C4orf54: variants seen among roughly 807,000 people sequenced by gnomAD.
The protein encoded by C4orf54 is chromosome 4 open reading frame 54.
C4orf54 carries 67 observed loss-of-function variants against 80.1 expected under a neutral mutation model. That is an observed-to-expected ratio of 0.84 (90% CI 0.69 to 1.03). C4orf54 has a LOEUF of 1.03. C4orf54 is among the 50% of genes least tolerant of loss of function. C4orf54 has a pLI of 0.00. For synonymous variants in C4orf54, 1,000 were observed against 917.0 expected (o/e 1.09, Z -1.64); for missense variants, 2,434 against 2,253.5 (o/e 1.08, Z -1.62).
At chr4:99,656,791 A>G (rs1024659996) in intron 1 of C4orf54, among the ~76,000 whole-genome samples, 3 of 152,208 alleles carry the variant, frequency 2.0e-5, no homozygotes, top group Non-Finnish European at 4.4e-5. Flanking sequence ...TATGTGACAG[A>G]CTTCAAACCC....
rs1381746738 is a variant in C4orf54 at position 99,650,232 on chromosome 4, T to C, written c.4417A>G (p.Ile1473Val). Residue 1473 changes from isoleucine to valine, a missense_variant, in exon 2 of 3, where the codon ATC (isoleucine) becomes GTC (valine). Coordinates refer to ENST00000511828, the MANE Select transcript of C4orf54 (RefSeq NM_001354435.2). ...SNSDCENYLT[I>V]PLKGSSAAGE... ...GCAGCAGAGCTTCCTTTAAGAGGGA[T>C]GGTCAGGTAATTCTCACAGTCACTG... 3 of 1,535,914 alleles carry C rather than the reference T, an allele frequency of 2.0e-6. No homozygotes were observed. The highest frequency in any genetic ancestry group is 2.0e-5 in the Admixed American group (1 of 50,982).
In C4orf54 at chr4:99,652,241, G is replaced by A. The variant is rs1560639829; in HGVS notation, c.2408C>T (p.Pro803Leu). 2 of 1,535,858 alleles carry A rather than the reference G, an allele frequency of 1.3e-6. No homozygotes were observed. Among genetic ancestry groups the A allele is most frequent in the African/African-American group, 1.4e-5 (1 of 73,114 alleles). Residue 803 changes from proline to leucine, a missense_variant, in exon 2 of 3, where the codon CCC (proline) becomes CTC (leucine). By Grantham distance (98) the Pro-to-Leu change is moderately conservative. Transcript: ENST00000511828. ...GSKPTSRADG[P>L]QKSKFASSLL... ...ACTGGAGGCGAACTTGGACTTCTGG[G>A]GGCCATCGGCGCGGGAGGTGGGCTT...
chr4:99,647,254 C>T (rs930986655), intron 2 of C4orf54, among the ~76,000 whole-genome samples: 2 of 152,108 alleles, frequency 1.3e-5, no homozygotes, highest in African/African-American at 2.4e-5. Flanking sequence ...AGTGTGTGCC[C>T]GATCCTCCCT....
In C4orf54 at chr4:99,652,081, C is replaced by T. The variant is rs746758588; in HGVS notation, c.2568G>A (p.Arg856=). 2.6e-6 allele frequency: 4 copies of T among 1,536,114 alleles called. No individual in the cohort carries two copies. The highest frequency in any genetic ancestry group is 2.6e-6 in the Non-Finnish European group (3 of 1,146,884). The change falls in exon 2 of 3, where the codon AGG becomes AGA. Residue 856 remains arginine, a synonymous_variant. Transcript: ENST00000511828. Reference sequence around the variant, plus strand: ...GCCTCTGCAGGCCCCTCTCTCGCTGCCTCTCGCTCCCGCGGGCGCCCTCCG... The same window carrying T: ...GCCTCTGCAGGCCCCTCTCTCGCTGTCTCTCGCTCCCGCGGGCGCCCTCCG... ...KETEGARGSE[R]QRERGLQRQS...
Position 99,650,294 on chromosome 4 carries a change from G to A in C4orf54, c.4355C>T (p.Thr1452Ile). Residue 1452 changes from threonine to isoleucine, a missense_variant, in exon 2 of 3, where the codon ACC (threonine) becomes ATC (isoleucine). By Grantham distance (89) the Thr-to-Ile change is moderately conservative (BLOSUM62 -1). Coordinates refer to ENST00000511828, the MANE Select transcript of C4orf54 (RefSeq NM_001354435.2). ...PATRAPPDEVTNRKSGSNLEK... is the reference protein window; with the variant it reads ...PATRAPPDEVINRKSGSNLEK... ...CAAATTGCTGCCACTTTTCCTGTTG[G>A]TCACCTCATCAGGAGGTGCCCGGGT... 2 of 1,536,014 alleles carry A rather than the reference G, an allele frequency of 1.3e-6. No homozygotes were observed. Among genetic ancestry groups the A allele is most frequent in the Non-Finnish European group, 1.7e-6 (2 of 1,146,882 alleles).
chr4:99,653,397 C>A lies in C4orf54; in HGVS notation c.1252G>T (p.Asp418Tyr), dbSNP rs889637144. 31 of 1,536,132 alleles carry A rather than the reference C, an allele frequency of 2.0e-5. No homozygotes were observed. The highest frequency in any genetic ancestry group is 2.5e-5 in the Non-Finnish European group (29 of 1,146,904). ...SFGGSDETPG[D>Y]ITSLTEEDDD... ...TCCTCTTCGGTCAGACTGGTGATGT[C>A]CCCTGGGGTCTCGTCGCTGCCACCA... Residue 418 changes from aspartate (D) to tyrosine (Y), a missense_variant, in exon 2 of 3, where the codon GAC becomes TAC. Physicochemically the swap from Asp to Tyr is radical, Grantham distance 160. Coordinates refer to ENST00000511828, the MANE Select transcript of C4orf54 (RefSeq NM_001354435.2).
At chr4:99,648,437 G>A (rs901200836) in intron 2 of C4orf54, among the ~76,000 whole-genome samples, 8 of 152,112 alleles carry the variant, frequency 5.3e-5, no homozygotes, top group Admixed American at 1.3e-4. Context: ...AGTCTTGTGG[G>A]GATTAGCAGC....
chr4:99,642,309 G>T (rs1465601027), intron 2 of C4orf54, among the ~76,000 whole-genome samples: 1 of 152,178 alleles, frequency 6.6e-6, no homozygotes, highest in African/African-American at 2.4e-5. Context: ...GTGGATACAA[G>T]GATTTGATAA....
Position 99,651,429 on chromosome 4 carries a change from TCTGCTGTGCC to T in C4orf54, c.3210_3219del (p.Ala1071AsnfsTer8), listed in dbSNP as rs1726824412. 6.5e-7 allele frequency: 1 copy of T among 1,536,282 alleles called. No homozygotes were observed. ...TCTAGGTTGTCCCCGCGGAAGAGTT[TCTGCTGTGCC>T]CTGCTGTTGTCCTCGATGGTCTTGA... On this transcript the variant is annotated frameshift_variant, in exon 2 of 3. Coordinates refer to ENST00000511828, the MANE Select transcript of C4orf54 (RefSeq NM_001354435.2). LOFTEE classifies it high-confidence loss of function.
In C4orf54 at chr4:99,649,974, T is replaced by C. The variant is rs1290328398; in HGVS notation, c.4675A>G (p.Ile1559Val). The C allele has an allele frequency of 1.3e-6, 2 of 1,523,732 alleles. No individual in the cohort carries two copies. The highest frequency in any genetic ancestry group is 2.4e-5 in the South Asian group (2 of 83,420). 94.4% of individuals were successfully genotyped at this position (1,523,732 alleles called of 1,614,324 possible). A position where few individuals can be genotyped will look rare whatever the true frequency, so the allele number is the denominator to read the frequency against. ...PQSPEHPPTTIYHQPPLPFTL... is the reference protein window; with the variant it reads ...PQSPEHPPTTVYHQPPLPFTL... ...AAGGGCAGCGGCGGCTGGTGGTAGA[T>C]GGTGGTGGGGGGATGCTCGGGGCTC... Residue 1559 changes from isoleucine (I) to valine (V), a missense_variant, in exon 2 of 3, where the codon ATC (isoleucine) becomes GTC (valine). Coordinates refer to ENST00000511828, the MANE Select transcript of C4orf54 (RefSeq NM_001354435.2).
rs990535444 is a variant in C4orf54, at chr4:99,653,692, T to C, written c.957A>G (p.Gly319=). 3.9e-6 allele frequency: 6 copies of C among 1,528,058 alleles called. No individual in the cohort carries two copies. The highest frequency in any genetic ancestry group is 1.4e-5 in the African/African-American group (1 of 72,702). 94.7% of individuals were successfully genotyped at this position (1,528,058 alleles called of 1,614,324 possible). Residue 319 remains glycine (G), a synonymous_variant, in exon 2 of 3, where the codon GGA becomes GGG. Transcript: ENST00000511828. ...CTCCTGATATTTTCTCTCCTTCTCC[T>C]CCCACGGCCTGGCAACCTTCACTTT... ...SGESEGCQAV[G]GEGEKISGGG... is the part of the protein sequence containing the mutation.
At chr4:99,644,390 T>C (rs1457029623) in intron 2 of C4orf54, among the ~76,000 whole-genome samples, 1 of 151,490 alleles carries the variant, frequency 6.6e-6, no homozygotes, top group Non-Finnish European at 1.5e-5. Context: ...AAAGCCACAA[T>C]GCAATTAAAG....
At position 99,651,252 on chromosome 4, in the gene C4orf54, G is replaced by A. The variant is rs757598055; in HGVS notation, c.3397C>T (p.Pro1133Ser). The A allele has an allele frequency of 3.0e-5, 46 of 1,536,010 alleles. No homozygotes were observed. The highest frequency in any genetic ancestry group is 3.6e-5 in the Non-Finnish European group (41 of 1,146,916). The change falls in exon 2 of 3, where the codon CCC (proline) becomes TCC (serine). Residue 1133 changes from proline (P) to serine (S), a missense_variant. By Grantham distance (74) the Pro-to-Ser change is moderately conservative. Transcript: ENST00000511828. Reference protein sequence around the residue: ...SVTPEQGLTGPKPRQLSAAAG... With the variant: ...SVTPEQGLTGSKPRQLSAAAG... ...GCTGCAGACAGCTGCCTGGGTTTGGGTCCAGTCAGCCCCTGCTCTGGGGTA... is the reference window on the plus strand; with the variant it reads ...GCTGCAGACAGCTGCCTGGGTTTGGATCCAGTCAGCCCCTGCTCTGGGGTA...
At position 99,652,456 on chromosome 4, in the gene C4orf54, C is replaced by T; in HGVS notation, c.2193G>A (p.Val731=). 1 of 1,536,000 alleles carries T rather than the reference C, an allele frequency of 6.5e-7. No individual in the cohort carries two copies. Among genetic ancestry groups the T allele is most frequent in the African/African-American group, 1.4e-5 (1 of 73,160 alleles). Residue 731 remains valine, a synonymous_variant, in exon 2 of 3, where the codon GTG becomes GTA. Coordinates refer to ENST00000511828, the MANE Select transcript of C4orf54 (RefSeq NM_001354435.2). ...VSKVEGEIKH[V]ETPLCFQKQV... ...GCTTCTGGAAACACAGGGGCGTCTC[C>T]ACATGTTTGATTTCCCCCTCGACTT...
chr4:99,649,540 T>G lies in C4orf54; in HGVS notation c.5109A>C (p.Gly1703=), dbSNP rs2110251886. ...QPTPIARAPR[G]SELSPMVAEP... is the part of the protein sequence containing the mutation. Reference sequence around the variant, plus strand: ...CTGCCACCATTGGGGAGAGCTCACTTCCTCTTGGAGCGCGAGCAATTGGTG... The same window carrying G: ...CTGCCACCATTGGGGAGAGCTCACTGCCTCTTGGAGCGCGAGCAATTGGTG... The change falls in exon 2 of 3, where the codon GGA becomes GGC. Residue 1703 remains glycine, a synonymous_variant. Coordinates refer to ENST00000511828, the MANE Select transcript of C4orf54 (RefSeq NM_001354435.2). The G allele has an allele frequency of 6.5e-7, 1 of 1,536,088 alleles. No homozygotes were observed. Among genetic ancestry groups the G allele is most frequent in the South Asian group, 1.2e-5 (1 of 84,068 alleles).
rs1192657387 is a variant in C4orf54 at position 99,653,808 on chromosome 4, CCTCT to C, written c.837_840del (p.Glu280MetfsTer23). On this transcript the variant is annotated frameshift_variant, in exon 2 of 3. Coordinates refer to ENST00000511828, the MANE Select transcript of C4orf54 (RefSeq NM_001354435.2). LOFTEE classifies it high-confidence loss of function. ...GAGTCCTCCATTTTGGAAAGGCCAT[CCTCT>C]TCTGCTTTGTTCATCGGGGAGGAGG... is the stretch of plus-strand genomic sequence containing the variant. 1 of 1,536,028 alleles carries C rather than the reference CCTCT, an allele frequency of 6.5e-7. No individual in the cohort carries two copies. The highest frequency in any genetic ancestry group is 8.7e-7 in the Non-Finnish European group (1 of 1,146,910).
At chr4:99,644,215 A>G (rs1367499836) in intron 2 of C4orf54, among the ~76,000 whole-genome samples, 1 of 152,264 alleles carries the variant, frequency 6.6e-6, no homozygotes, top group Non-Finnish European at 1.5e-5. Context: ...GATTAAAAAT[A>G]GTACCTATCT....
Position 99,649,641 on chromosome 4 carries a change from C to T in C4orf54, c.5008G>A (p.Gly1670Arg). ...ATCATGTAGGTGGGTCCATAAGCCC[C>T]AGGACTCAGGGCCAAGGGAGGCACA... ...ISVPPLALSP[G>R]AYGPTYMIYP... The change falls in exon 2 of 3, where the codon GGG becomes AGG. Residue 1670 changes from glycine (G) to arginine (R), a missense_variant. Transcript: ENST00000511828. 1 of 1,536,148 alleles carries T rather than the reference C, an allele frequency of 6.5e-7. No individual in the cohort carries two copies.
chr4:99,651,983 GACC>G lies in C4orf54; in HGVS notation c.2663_2665del (p.Gly888_Ser889delinsAla). ...GACTGGAGATTTGGAGCCCGCCACG[GACC>G]CCTCCCCGCCCGCGTCGGACATGCT... On this transcript the variant is annotated inframe_deletion, in exon 2 of 3. Transcript: ENST00000511828. The G allele has an allele frequency of 1.3e-6, 2 of 1,536,112 alleles. No homozygotes were observed. Among genetic ancestry groups the G allele is most frequent in the Non-Finnish European group, 1.7e-6 (2 of 1,146,898 alleles).
Sources: gnomAD v4.1 joint callset for allele counts (sites outside exome capture counted in the v4.1 genomes callset) on GRCh38, gnomAD v4.1.1 for gene constraint, MANE v1.5 for transcripts, NCBI Gene and HGNC (gene_info 2026-07-23, HGNC 2026-07-21) for gene names.